Variants in DNAI4 observed in about 807,000 individuals in gnomAD.
The protein encoded by DNAI4 is dynein axonemal intermediate chain 4, also known as WD repeat domain 78.
In DNAI4, 85 loss-of-function variants were observed where a neutral mutation model predicts 105.8. That is an observed-to-expected ratio of 0.80 (90% CI 0.67 to 0.96). The LOEUF (loss-of-function observed/expected upper bound fraction) is 0.96. DNAI4 is among the 40% of genes least tolerant of loss of function. DNAI4 has a pLI of 0.00. For synonymous variants in DNAI4, 352 were observed against 331.5 expected (o/e 1.06, Z -0.67); for missense variants, 1,014 against 1,005.6 (o/e 1.01, Z -0.11).
At chr1:66,839,414 A>G (rs1641533341) in intron 9 of DNAI4, among the ~76,000 whole-genome samples, 1 of 152,192 alleles carries the variant, frequency 6.6e-6, no homozygotes, top group Non-Finnish European at 1.5e-5. Context: ...TTAGGTTTCA[A>G]TGGAAATGAT....
chr1:66,880,474 G>A (rs190562772), intron 4 of DNAI4, among the ~76,000 whole-genome samples: 124 of 152,322 alleles, frequency 8.1e-4, no homozygotes, highest in Non-Finnish European at 1.3e-3. Flanking sequence ...TGAAGGGCTC[G>A]TTGGGAACTG....
At chr1:66,883,201 T>G (rs1429040291) in intron 4 of DNAI4, among the ~76,000 whole-genome samples, 2 of 141,476 alleles carry the variant, frequency 1.4e-5, no homozygotes, top group Admixed American at 7.0e-5. Context: ...TTTTTTTTTT[T>G]GTAGATTCTT....
rs542149388 is a variant in DNAI4 at position 66,912,014 on chromosome 1, G to GT, written c.171-6640dup. 3.7e-3 allele frequency among the ~76,000 whole-genome samples: 559 copies of GT among 152,204 alleles called. 3 individuals are homozygous for GT. Among genetic ancestry groups the GT allele is most frequent in the African/African-American group, 0.012 (514 of 41,542 alleles). On this transcript the variant is annotated intron_variant, in intron 1 of 16. Transcript: ENST00000371026. ...GTATCACCACACCTAGCTAATTTTT[G>GT]TATTTTCAGTGGAGACAGGTTTTTG...
chr1:66,920,836 G>A (rs1458394127), intron 1 of DNAI4, among the ~76,000 whole-genome samples: 1 of 152,202 alleles, frequency 6.6e-6, no homozygotes, highest in African/African-American at 2.4e-5. Context: ...CAGAAACAAG[G>A]ACAGTAGAGG....
rs1226481232 is a variant in DNAI4 at position 66,893,055 on chromosome 1, G to GAAAGAA, written c.530+173_530+174insTTCTTT. Among the ~76,000 whole-genome samples the GAAAGAA allele has an allele frequency of 3.1e-4, 25 of 80,746 alleles. 1 individual carries two copies. Among genetic ancestry groups the GAAAGAA allele is most frequent in the African/African-American group, 1.0e-3 (19 of 18,662 alleles). The allele number at this position is 80,746 out of a possible 152,430, so 53.0% of individuals were successfully genotyped here. On this transcript the variant is annotated intron_variant, in intron 3 of 16. Coordinates refer to ENST00000371026, the MANE Select transcript of DNAI4 (RefSeq NM_024763.5). ...GAGAGGAAAGAAAGAAAGAAAGAAA[G>GAAAGAA]AGAGAGAGAGAAAGAAAGAAAGAAA...
chr1:66,872,809 G>A (rs1465992920), intron 5 of DNAI4, among the ~76,000 whole-genome samples: 1 of 151,680 alleles, frequency 6.6e-6, no homozygotes, highest in East Asian at 1.9e-4. Flanking sequence ...TCCCCTCCTG[G>A]AGAAGCAATT....
At chr1:66,879,439 G>T (rs1336710045) in intron 4 of DNAI4, among the ~76,000 whole-genome samples, 2 of 152,180 alleles carry the variant, frequency 1.3e-5, no homozygotes, top group Non-Finnish European at 2.9e-5. Flanking sequence ...CCACTTAAAA[G>T]ACATCTTGGT....
At chr1:66,826,759 C>G in intron 15 of DNAI4, 61 bp downstream of exon 15, 1 of 1,458,472 alleles carries the variant, frequency 6.9e-7, no homozygotes, top group Non-Finnish European at 9.5e-7. Flanking sequence ...TCAAAACTAT[C>G]AGGTATCACT....
At chr1:66,826,203 T>G (rs917814480) in intron 15 of DNAI4, among the ~76,000 whole-genome samples, 2 of 152,228 alleles carry the variant, frequency 1.3e-5, no homozygotes, top group African/African-American at 4.8e-5. Context: ...CTGTGTATGT[T>G]TCTCTAAACC....
At chr1:66,893,609 A>T (rs571711328) in intron 2 of DNAI4, among the ~76,000 whole-genome samples, 196 bp from the exon 3 acceptor site, 10 of 152,270 alleles carry the variant, frequency 6.6e-5, no homozygotes, top group African/African-American at 2.4e-4. Flanking sequence ...CTTTCTTAAA[A>T]TATTATTTTT....
Position 66,893,376 on chromosome 1 carries a change from G to C in DNAI4, c.383C>G (p.Pro128Arg). The change falls in exon 3 of 17, where the codon CCT (proline) becomes CGT (arginine). Residue 128 changes from proline (P) to arginine (R), a missense_variant. Pro to Arg is a moderately radical substitution (Grantham distance 103, BLOSUM62 -2). Coordinates refer to ENST00000371026, the MANE Select transcript of DNAI4 (RefSeq NM_024763.5). ...DINGTDVTPRPLYHPDPLTGT... is the reference protein window; with the variant it reads ...DINGTDVTPRRLYHPDPLTGT... ...AGTAAGTGGATCTGGATGGTAAAGA[G>C]GTCGGGGAGTAACATCAGTTCCATT... 1 of 1,589,018 alleles carries C rather than the reference G, an allele frequency of 6.3e-7. No individual in the cohort carries two copies. The highest frequency in any genetic ancestry group is 8.6e-7 in the Non-Finnish European group (1 of 1,168,420).
At chr1:66,887,331 C>T (rs2100741804) in intron 4 of DNAI4, among the ~76,000 whole-genome samples, 1 of 152,290 alleles carries the variant, frequency 6.6e-6, no homozygotes, top group South Asian at 2.1e-4. Context: ...CCACAGTTCT[C>T]TGATAAGCCC....
chr1:66,904,154 C>T (rs868512447), intron 2 of DNAI4, among the ~76,000 whole-genome samples: 4 of 151,844 alleles, frequency 2.6e-5, no homozygotes, highest in South Asian at 2.1e-4. Flanking sequence ...TTTAGTTTTC[C>T]GCCATTATAT....
At chr1:66,893,063 G>GAGAGAGAGAGAAAGAAAGAAAGAA (rs879150798) in intron 3 of DNAI4, among the ~76,000 whole-genome samples, 166 bp downstream of exon 3, 10 of 89,540 alleles carry the variant, frequency 1.1e-4, no homozygotes, top group African/African-American at 4.4e-4. Flanking sequence ...AAGAGAGAGA[G>GAGAGAGAGAGAAAGAAAGAAAGAA]AGAAAGAAAG....
intron 10 of DNAI4, among the ~76,000 whole-genome samples, chr1:66,837,364 C>CAAAAA (rs529364212): frequency 6.8e-4 from 56 of 82,340 alleles, no homozygotes; most frequent in Middle Eastern, 0.012. Flanking sequence ...GACTCTGTCT[C>CAAAAA]AAAAAAAAAA....
At position 66,822,518 on chromosome 1, in the gene DNAI4, C is replaced by T. The variant is rs755651309; in HGVS notation, c.2340-1G>A. 6.3e-6 allele frequency: 10 copies of T among 1,580,378 alleles called. No individual in the cohort carries two copies. In the African/African-American group the frequency reaches 1.4e-4, roughly 22 times the overall value. ...AGTATTCACAATCAGAGGGTCCAAACTGTAATGAAATATTTTATTTGTAAA... is the reference window on the plus strand; with the variant it reads ...AGTATTCACAATCAGAGGGTCCAAATTGTAATGAAATATTTTATTTGTAAA... On this transcript the variant is annotated splice_acceptor_variant, in intron 15 of 16. Transcript: ENST00000371026. LOFTEE classifies it high-confidence loss of function.
intron 2 of DNAI4, among the ~76,000 whole-genome samples, chr1:66,898,076 C>A (rs1203429501): frequency 6.6e-6 from 1 of 152,186 alleles, no homozygotes; most frequent in African/African-American, 2.4e-5. Flanking sequence ...GAAGGCAGTA[C>A]ATGGAGTCAA....
At chr1:66,858,372 A>T (rs563795870) in intron 7 of DNAI4, among the ~76,000 whole-genome samples, 1 of 151,548 alleles carries the variant, frequency 6.6e-6, no homozygotes, top group African/African-American at 2.4e-5. Context: ...TACTAAAAAA[A>T]ATACAAAAAA....
At position 66,894,959 on chromosome 1, in the gene DNAI4, T is replaced by A. The variant is rs78794653; in HGVS notation, c.346-1546A>T. 3.1e-3 allele frequency among the ~76,000 whole-genome samples: 469 copies of A among 152,304 alleles called. 2 individuals are homozygous for A. The highest frequency in any genetic ancestry group is 0.011 in the African/African-American group (451 of 41,542). On this transcript the variant is annotated intron_variant, in intron 2 of 16. Coordinates refer to ENST00000371026, the MANE Select transcript of DNAI4 (RefSeq NM_024763.5). ...AAAATAACTTTAAAACTTGAGATTT[T>A]GATTAAAATTGCAAAGAATCTATAA... is the stretch of plus-strand genomic sequence containing the variant.
Sources: allele counts gnomAD v4.1 joint callset (sites outside exome capture counted in the v4.1 genomes callset), GRCh38; gene constraint gnomAD v4.1.1; transcripts MANE v1.5; gene names NCBI Gene and HGNC (gene_info 2026-07-23, HGNC 2026-07-21).